The following HEATR4 variants were observed in gnomAD, a reference collection of about 807,000 sequenced individuals.
HEATR4 encodes the protein HEAT repeat-containing protein 4.
HEATR4 carries 95 observed loss-of-function variants against 108.8 expected under a neutral mutation model. The observed-to-expected ratio is 0.87, with a 90% CI of 0.74 to 1.04. The LOEUF (loss-of-function observed/expected upper bound fraction) is 1.04, where lower values mean the gene tolerates loss of function less well. Ranked by LOEUF, HEATR4 falls within the 50% of genes least tolerant of loss-of-function variation. The pLI, the probability that HEATR4 is intolerant of heterozygous loss-of-function variation, is 0.00. For synonymous variants in HEATR4, 443 were observed against 459.4 expected, an observed-to-expected ratio of 0.96 and a Z score of 0.46; for missense variants, 1,152 against 1,253.8, an observed-to-expected ratio of 0.92 and a Z score of 1.23.
rs775320013 is a variant in HEATR4, at chr14:73,522,546, C to G, written c.607G>C (p.Glu203Gln). ...LPPEKEARAW[E>Q]ATVLEKLNER... Reference sequence around the variant, plus strand: ...TTCAGCTTTTCCAGCACAGTGGCCTCCCACGCTCTGGCCTCCTTCTCAGGA... The same window carrying G: ...TTCAGCTTTTCCAGCACAGTGGCCTGCCACGCTCTGGCCTCCTTCTCAGGA... The change falls in exon 3 of 18, where the codon GAG (glutamate) becomes CAG (glutamine). Residue 203 changes from glutamate (E) to glutamine (Q), a missense_variant. Physicochemically the swap from Glu to Gln is conservative, Grantham distance 29. Coordinates refer to ENST00000553558, the MANE Select transcript of HEATR4 (RefSeq NM_001220484.1). 1 of 1,614,170 alleles carries G rather than the reference C, an allele frequency of 6.2e-7. No individual in the cohort carries two copies. The highest frequency in any genetic ancestry group is 2.2e-5 in the East Asian group (1 of 44,890).
Position 73,492,615 on chromosome 14 carries a change from G to C in HEATR4, c.2844+451C>G. ...GGGCTTCCAATTCGCTGGGAGGCTG[G>C]AGAACCTGTAAACGTGGGGGCCCAG... On this transcript the variant is annotated intron_variant, in intron 17 of 17. Transcript: ENST00000553558. The surrounding 1 kb of genome is among the most constrained non-coding windows in gnomAD (Gnocchi z 4.9). The C allele has an allele frequency of 6.2e-7, 1 of 1,613,938 alleles. No individual in the cohort carries two copies. Among genetic ancestry groups the C allele is most frequent in the Non-Finnish European group, 8.5e-7 (1 of 1,179,876 alleles).
the HEATR4 span, chr14:73,582,611 T>A: frequency 6.6e-6 from 1 of 151,906 alleles, no homozygotes; most frequent in Non-Finnish European, 1.5e-5. Context: ...ATTATAATAG[T>A]AGAAGACAGC....
chr14:73,620,025 C>A, the HEATR4 span: 6 of 606,396 alleles, frequency 9.9e-6, no homozygotes, highest in Non-Finnish European at 1.3e-5. Flanking sequence ...TGTTCTCCGA[C>A]CTCAGACTCC....
chr14:73,624,918 A>G, the HEATR4 span, among the ~76,000 whole-genome samples: 1 of 152,052 alleles, frequency 6.6e-6, no homozygotes, highest in African/African-American at 2.4e-5. Context: ...GCTTTATTAA[A>G]TTTTCCACAA....
the HEATR4 span, chr14:73,582,513 T>A: frequency 6.6e-6 from 1 of 151,602 alleles, no homozygotes; most frequent in African/African-American, 2.4e-5. Context: ...TTGCGCTCAT[T>A]CAAGCAAAGC....
the HEATR4 span, chr14:73,569,789 C>G: frequency 3.7e-6 from 6 of 1,604,484 alleles, no homozygotes; most frequent in Non-Finnish European, 4.3e-6. Flanking sequence ...GGCTGCTGTG[C>G]CAGACGCGGC....
chr14:73,566,379 C>G, the HEATR4 span, among the ~76,000 whole-genome samples: 4 of 152,098 alleles, frequency 2.6e-5, no homozygotes, highest in African/African-American at 9.7e-5. Flanking sequence ...CTCCGTGGAG[C>G]AGGGGGCGGC....
the HEATR4 span, chr14:73,619,952 C>T: frequency 3.8e-4 from 466 of 1,239,614 alleles, 3 homozygotes; most frequent in African/African-American, 6.3e-3. Context: ...CACTCTGTCA[C>T]ATAGGCTGGA....
the HEATR4 span, among the ~76,000 whole-genome samples, chr14:73,604,804 G>A: frequency 1.3e-5 from 2 of 152,288 alleles, no homozygotes; most frequent in East Asian, 3.9e-4. Context: ...TTCTTAATTG[G>A]ATTACTGGCC....
chr14:73,572,253 C>T, the HEATR4 span, among the ~76,000 whole-genome samples: 1 of 142,324 alleles, frequency 7.0e-6, no homozygotes, highest in Admixed American at 7.3e-5. Context: ...AACAATAGAA[C>T]AGATTAATAA....
the HEATR4 span, among the ~76,000 whole-genome samples, chr14:73,565,704 C>T: frequency 8.2e-4 from 124 of 151,792 alleles, 1 homozygote; most frequent in African/African-American, 2.7e-3. Context: ...TGGAGTTGTT[C>T]GTTTTTCCCG....
At chr14:73,537,159 A>G in intron 1 of HEATR4, 1 of 355,676 alleles carries the variant, frequency 2.8e-6, no homozygotes, top group Non-Finnish European at 4.7e-6. Flanking sequence ...CGAGCCAGCA[A>G]GCTTCTGAAA....
chr14:73,589,748 C>A, the HEATR4 span, among the ~76,000 whole-genome samples: 1 of 152,166 alleles, frequency 6.6e-6, no homozygotes, highest in Non-Finnish European at 1.5e-5. Context: ...AACAACGAAG[C>A]CACAGACCCT....
intron 17 of HEATR4, among the ~76,000 whole-genome samples, chr14:73,486,053 T>C (rs1885440921): frequency 6.6e-6 from 1 of 152,152 alleles, no homozygotes; most frequent in Non-Finnish European, 1.5e-5. Context: ...GATGTAGAAT[T>C]ACTACTGGGT....
intron 1 of HEATR4, chr14:73,537,927 G>C: frequency 8.8e-7 from 1 of 1,136,706 alleles, no homozygotes; most frequent in Non-Finnish European, 1.1e-6. Context: ...CTGTTCCTGC[G>C]CTTTCCACTG....
chr14:73,589,976 T>C, the HEATR4 span, among the ~76,000 whole-genome samples: 1 of 152,154 alleles, frequency 6.6e-6, no homozygotes, highest in Non-Finnish European at 1.5e-5. Flanking sequence ...GCTTCAGAAG[T>C]GAAGCTGCGG....
chr14:73,517,138 G>A (rs1335865050), intron 5 of HEATR4: 1 of 152,154 alleles, frequency 6.6e-6, no homozygotes, highest in Admixed American at 6.5e-5. Context: ...AATTAGCTGA[G>A]TGTAGGGTGC....
the HEATR4 span, among the ~76,000 whole-genome samples, chr14:73,628,016 C>A: frequency 1.3e-5 from 2 of 152,138 alleles, no homozygotes; most frequent in Admixed American, 6.6e-5. Flanking sequence ...GCTATGTTAG[C>A]CAGGCTAGTC....
the HEATR4 span, among the ~76,000 whole-genome samples, chr14:73,597,884 G>T: frequency 2.0e-5 from 3 of 150,940 alleles, no homozygotes; most frequent in African/African-American, 2.4e-5. Context: ...TAGCCACCGC[G>T]CCTGGCCTTT....
Sources: allele counts gnomAD v4.1 joint callset (sites outside exome capture counted in the v4.1 genomes callset), GRCh38; gene constraint gnomAD v4.1.1; non-coding constraint Gnocchi (gnomAD v3.1); transcripts MANE v1.5; gene names NCBI Gene and HGNC (gene_info 2026-07-23, HGNC 2026-07-21).